CNBD1: variants seen among roughly 807,000 people sequenced by gnomAD.
CNBD1 encodes cyclic nucleotide-binding domain-containing protein 1.
CNBD1 carries 71 observed loss-of-function variants against 54.4 expected under a neutral mutation model. That is an observed-to-expected ratio of 1.30 (90% CI 1.08 to 1.59). The LOEUF (loss-of-function observed/expected upper bound fraction) is 1.59. Ranked by LOEUF, CNBD1 falls within the 40% of genes most tolerant of loss-of-function variation. CNBD1 has a pLI of 0.00. For synonymous variants in CNBD1, 182 were observed against 170.7 expected, an observed-to-expected ratio of 1.07 and a Z score of -0.51; for missense variants, 659 against 518.0, an observed-to-expected ratio of 1.27 and a Z score of -2.64.
At chr8:87,213,889 C>G (rs1814153409) in intron 5 of CNBD1, among the ~76,000 whole-genome samples, 1 of 152,202 alleles carries the variant, frequency 6.6e-6, no homozygotes, top group Non-Finnish European at 1.5e-5. Context: ...TTCCTAGATA[C>G]AATCAGGGTA....
intron 2 of CNBD1, among the ~76,000 whole-genome samples, chr8:87,413,080 G>T (rs1253521334): frequency 6.6e-6 from 1 of 151,890 alleles, no homozygotes; most frequent in Admixed American, 6.6e-5. Flanking sequence ...GCTCACAAGG[G>T]GCTCTCAATT....
At chr8:86,909,980 T>G (rs1033440029) in intron 3 of CNBD1, among the ~76,000 whole-genome samples, 1 of 152,168 alleles carries the variant, frequency 6.6e-6, no homozygotes, top group Non-Finnish European at 1.5e-5. Flanking sequence ...TGGTCCTTGC[T>G]CCTCTAGAGT....
intron 4 of CNBD1, among the ~76,000 whole-genome samples, chr8:87,095,907 C>T (rs1438205970): frequency 6.6e-6 from 1 of 152,228 alleles, no homozygotes; most frequent in African/African-American, 2.4e-5. Context: ...ATCTGCCCGC[C>T]TTGGCCTCCC....
chr8:86,907,999 CAA>C (rs1809043996), intron 3 of CNBD1, among the ~76,000 whole-genome samples: 2 of 152,174 alleles, frequency 1.3e-5, no homozygotes, highest in Admixed American at 6.5e-5. Context: ...TCATTTAACA[CAA>C]ATATTATGTG....
At chr8:86,994,894 T>C (rs754297093) in intron 4 of CNBD1, among the ~76,000 whole-genome samples, 2 of 152,076 alleles carry the variant, frequency 1.3e-5, no homozygotes, top group Non-Finnish European at 2.9e-5. Context: ...TAAAGAATAA[T>C]AATAGGAGTG....
rs1038556389 is a variant in CNBD1, at chr8:87,333,809, G to A, written c.1043-17876G>A. On this transcript the variant is annotated intron_variant, in intron 8 of 10. Coordinates refer to ENST00000518476, the MANE Select transcript of CNBD1 (RefSeq NM_173538.3). The stretch of plus-strand genomic sequence containing the variant: ...GATTTTCGCACCAGTGTTTATCAGG[G>A]ATATTGGCCTGAAGTTTTCTTTTTT... Among the ~76,000 whole-genome samples the A allele has an allele frequency of 2.6e-5, 4 of 152,110 alleles. No individual in the cohort carries two copies. The South Asian group carries it at 6.2e-4, about 24-fold the overall frequency.
intron 10 of CNBD1, among the ~76,000 whole-genome samples, chr8:87,381,857 G>A (rs1262496386): frequency 6.6e-6 from 1 of 151,622 alleles, no homozygotes; most frequent in East Asian, 1.9e-4. Flanking sequence ...ATGGGAAATG[G>A]GAACCTACTA....
chr8:87,031,979 G>A (rs1809804370), intron 4 of CNBD1, among the ~76,000 whole-genome samples: 1 of 152,034 alleles, frequency 6.6e-6, no homozygotes, highest in Non-Finnish European at 1.5e-5. Flanking sequence ...GAAGTCAGGT[G>A]ATCCTCCCCC....
At chr8:86,915,775 G>A (rs1029865799) in intron 3 of CNBD1, among the ~76,000 whole-genome samples, 1 of 152,158 alleles carries the variant, frequency 6.6e-6, no homozygotes, top group Non-Finnish European at 1.5e-5. Context: ...GCATTGCCTT[G>A]ACATATAGTG....
At chr8:87,339,438 G>A (rs1358326462) in intron 8 of CNBD1, among the ~76,000 whole-genome samples, 1 of 151,840 alleles carries the variant, frequency 6.6e-6, no homozygotes, top group Non-Finnish European at 1.5e-5. Flanking sequence ...TTGATTGTCT[G>A]TTTTGTGTAT....
At chr8:87,138,059 A>G (rs543546276) in intron 4 of CNBD1, among the ~76,000 whole-genome samples, 4 of 152,174 alleles carry the variant, frequency 2.6e-5, no homozygotes, top group South Asian at 2.1e-4. Context: ...TAAAATGTCA[A>G]TTCTTTTCCC....
At chr8:87,408,862 A>G (rs1033706392) in intron 2 of CNBD1, among the ~76,000 whole-genome samples, 1 of 152,122 alleles carries the variant, frequency 6.6e-6, no homozygotes, top group Non-Finnish European at 1.5e-5. Flanking sequence ...ACCTGCATCC[A>G]TATAAGACTG....
intron 4 of CNBD1, among the ~76,000 whole-genome samples, chr8:87,118,669 G>A (rs1563475807): frequency 1.3e-5 from 2 of 152,132 alleles, no homozygotes; most frequent in South Asian, 4.1e-4. Context: ...AGGTACCTTG[G>A]CATGATTTGG....
chr8:87,039,515 C>A (rs910460592), intron 4 of CNBD1, among the ~76,000 whole-genome samples: 4 of 151,896 alleles, frequency 2.6e-5, no homozygotes, highest in Admixed American at 2.6e-4. Flanking sequence ...TTCTAAGAAA[C>A]TGCTTTTTGG....
At chr8:86,922,042 G>T (rs1038109340) in intron 3 of CNBD1, among the ~76,000 whole-genome samples, 1 of 152,212 alleles carries the variant, frequency 6.6e-6, no homozygotes. Context: ...AGCAGAGGAG[G>T]CTTTCTTGAG....
rs111709362 is a variant in CNBD1, at chr8:87,252,098, T to C, written c.771+14986T>C. Among the ~76,000 whole-genome samples, 129 of 152,296 alleles carry C rather than the reference T, an allele frequency of 8.5e-4. 1 individual carries two copies. Among genetic ancestry groups the C allele is most frequent in the African/African-American group, 3.1e-3 (127 of 41,550 alleles). On this transcript the variant is annotated intron_variant, in intron 6 of 10. Coordinates refer to ENST00000518476, the MANE Select transcript of CNBD1 (RefSeq NM_173538.3). ...TAGACTTAGTCCCTGGTGACCCTTC[T>C]GACATTCATTTCTATTTTTCCATTC...
intron 4 of CNBD1, among the ~76,000 whole-genome samples, chr8:87,131,876 C>A (rs575980815): frequency 6.6e-6 from 1 of 152,032 alleles, no homozygotes; most frequent in African/African-American, 2.4e-5. Context: ...TTGAAAAAGA[C>A]TTTCTTCATG....
intron 4 of CNBD1, among the ~76,000 whole-genome samples, chr8:87,081,133 C>G (rs1162404660): frequency 6.6e-6 from 1 of 151,966 alleles, no homozygotes; most frequent in Non-Finnish European, 1.5e-5. Context: ...TTAAAATAAG[C>G]ATTTAGTCTT....
At chr8:87,308,175 A>G (rs1448266000) in intron 8 of CNBD1, among the ~76,000 whole-genome samples, 1 of 152,150 alleles carries the variant, frequency 6.6e-6, no homozygotes, top group African/African-American at 2.4e-5. Context: ...ACATGCACAC[A>G]ATGAACAATT....
Sources: allele counts gnomAD v4.1 joint callset (sites outside exome capture counted in the v4.1 genomes callset), GRCh38; gene constraint gnomAD v4.1.1; transcripts MANE v1.5; gene names NCBI Gene and HGNC (gene_info 2026-07-23, HGNC 2026-07-21).